Variants in MCPH1 observed in about 807,000 individuals in gnomAD.
MCPH1 encodes microcephalin 1.
Under a neutral mutation model 84.5 loss-of-function variants are expected in MCPH1, and 104 were observed. The observed-to-expected ratio is 1.23, with a 90% confidence interval of 1.05 to 1.45. The LOEUF is 1.45. MCPH1 is among the 40% of genes most tolerant of loss of function. The probability of loss-of-function intolerance (pLI) is 0.00; values close to 1 mark genes in which losing one functional copy is unlikely to be tolerated. For missense variants in MCPH1, 1,498 were observed against 1,005.7 expected, an observed-to-expected ratio of 1.49 and a Z score of -6.62; for synonymous variants, 514 against 366.8, an observed-to-expected ratio of 1.40 and a Z score of -4.58.
chr8:6,605,638 A>C (rs1241269896), intron 12 of MCPH1, among the ~76,000 whole-genome samples: 1 of 152,222 alleles, frequency 6.6e-6, no homozygotes, highest in Non-Finnish European at 1.5e-5. Context: ...GGCCTTCCCC[A>C]GAAGGATGCC....
intron 12 of MCPH1, among the ~76,000 whole-genome samples, chr8:6,511,151 T>G (rs1815003177): frequency 6.6e-6 from 1 of 152,212 alleles, no homozygotes; most frequent in Non-Finnish European, 1.5e-5. Flanking sequence ...GAGAATACTA[T>G]TTTTTATGAG....
chr8:6,629,868 A>G (rs1797025417), intron 13 of MCPH1, among the ~76,000 whole-genome samples: 1 of 152,204 alleles, frequency 6.6e-6, no homozygotes, highest in Non-Finnish European at 1.5e-5. Flanking sequence ...TCAGTTTAGA[A>G]TCTTCCTTGG....
At chr8:6,482,853 T>A (rs1809409936) in intron 11 of MCPH1, among the ~76,000 whole-genome samples, 1 of 152,210 alleles carries the variant, frequency 6.6e-6, no homozygotes, top group South Asian at 2.1e-4. Context: ...TCACCTTTAG[T>A]CTAGACTCCT....
intron 2 of MCPH1, among the ~76,000 whole-genome samples, chr8:6,412,682 A>C (rs1391066718): frequency 2.0e-5 from 3 of 152,122 alleles, no homozygotes; most frequent in Non-Finnish European, 4.4e-5. Flanking sequence ...GTGTGTACTA[A>C]ATTTGATAAA....
At chr8:6,498,173 T>C (rs1811491793) in intron 11 of MCPH1, among the ~76,000 whole-genome samples, 2 of 152,270 alleles carry the variant, frequency 1.3e-5, no homozygotes, top group Non-Finnish European at 2.9e-5. Flanking sequence ...ATGTGTCACC[T>C]ACAAGATGCT....
intron 12 of MCPH1, among the ~76,000 whole-genome samples, chr8:6,554,899 G>C (rs2515500): frequency 0.98 from 149,684 of 152,266 alleles, 73,623 homozygotes; most frequent in East Asian, 1. Context: ...CTTTTGTCAA[G>C]TGGTGCAAGG....
intron 3 of MCPH1, among the ~76,000 whole-genome samples, chr8:6,425,298 G>A (rs1156726288): frequency 6.6e-6 from 1 of 152,148 alleles, no homozygotes; most frequent in East Asian, 1.9e-4. Context: ...ACCACTAGAT[G>A]GTGGGATAAT....
At chr8:6,576,519 C>CTTCCCCTTCCCT (rs59590908) in intron 12 of MCPH1, among the ~76,000 whole-genome samples, 5 of 150,466 alleles carry the variant, frequency 3.3e-5, no homozygotes, top group Admixed American at 1.3e-4. Flanking sequence ...TCCCCTTCCC[C>CTTCCCCTTCCCT]GTCCCTTTAG....
At chr8:6,603,457 T>A (rs1829526652) in intron 12 of MCPH1, among the ~76,000 whole-genome samples, 1 of 152,226 alleles carries the variant, frequency 6.6e-6, no homozygotes, top group African/African-American at 2.4e-5. Flanking sequence ...TCAGTAAAGT[T>A]GATTTTAAAA....
chr8:6,480,892 G>A lies in MCPH1; in HGVS notation c.2136+16G>A, dbSNP rs1437857424. On this transcript the variant is annotated intron_variant, in intron 11 of 13. Transcript: ENST00000344683. ...TTATGATTGGGTAAGCCCTGTGTGT[G>A]AACTGCGTATTTTAAAACAAGGCAT... 3 of 1,613,200 alleles carry A rather than the reference G, an allele frequency of 1.9e-6. No individual in the cohort carries two copies. The East Asian group carries it at 6.7e-5, about 36-fold the overall frequency.
intron 8 of MCPH1, chr8:6,445,838 G>T: frequency 8.9e-7 from 1 of 1,124,092 alleles, no homozygotes. Flanking sequence ...ATAACTGAGG[G>T]GAGTGAAGTC....
chr8:6,644,832 G>A lies in MCPH1; in HGVS notation c.*1783G>A, dbSNP rs1386125584. 1 of 152,176 alleles carries A rather than the reference G, an allele frequency of 6.6e-6. No homozygotes were observed. Among genetic ancestry groups the A allele is most frequent in the African/African-American group, 2.4e-5 (1 of 41,434 alleles). The allele number at this position is 152,176 out of a possible 1,614,324, so 9.4% of individuals were successfully genotyped here. A position where few individuals can be genotyped will look rare whatever the true frequency, so the allele number is the denominator to read the frequency against. Reference sequence around the variant, plus strand: ...CACTTCTAGAATGAACCTTTGAGAAGGGAGGTAGCAGTGCATTGTATAGGA... The same window carrying A: ...CACTTCTAGAATGAACCTTTGAGAAAGGAGGTAGCAGTGCATTGTATAGGA... On this transcript the variant is annotated 3_prime_UTR_variant, in exon 14 of 14. Transcript: ENST00000344683.
intron 12 of MCPH1, among the ~76,000 whole-genome samples, chr8:6,531,684 G>T (rs1046960161): frequency 7.9e-5 from 12 of 152,180 alleles, no homozygotes; most frequent in Non-Finnish European, 1.3e-4. Context: ...TCACTTGTCT[G>T]GCCCAACCCT....
intron 12 of MCPH1, among the ~76,000 whole-genome samples, chr8:6,601,969 T>C (rs1440130157): frequency 6.6e-6 from 1 of 152,246 alleles, no homozygotes; most frequent in Non-Finnish European, 1.5e-5. Flanking sequence ...CCATAGTAAT[T>C]AATTCTTTAA....
intron 12 of MCPH1, among the ~76,000 whole-genome samples, chr8:6,519,194 A>C (rs1287416195): frequency 6.6e-6 from 1 of 152,212 alleles, no homozygotes; most frequent in East Asian, 1.9e-4. Context: ...AGCGGTTCTC[A>C]TGGTGTGGAC....
At chr8:6,512,729 C>T (rs561061055) in intron 12 of MCPH1, among the ~76,000 whole-genome samples, 2 of 152,342 alleles carry the variant, frequency 1.3e-5, no homozygotes, top group African/African-American at 4.8e-5. Flanking sequence ...TCTCTACTCT[C>T]ATGGCATTTT....
chr8:6,550,924 A>C (rs1823537539), intron 12 of MCPH1, among the ~76,000 whole-genome samples: 1 of 152,214 alleles, frequency 6.6e-6, no homozygotes, highest in African/African-American at 2.4e-5. Flanking sequence ...AAGGAGCCCA[A>C]GGGGAAGGAG....
chr8:6,593,253 T>A (rs769623007), intron 12 of MCPH1, among the ~76,000 whole-genome samples: 1 of 150,702 alleles, frequency 6.6e-6, no homozygotes, highest in Non-Finnish European at 1.5e-5. Context: ...CCGGCTAATT[T>A]TGTCTTTTTA....
intron 8 of MCPH1, among the ~76,000 whole-genome samples, chr8:6,452,989 A>G (rs1307086461): frequency 6.6e-6 from 1 of 152,250 alleles, no homozygotes; most frequent in African/African-American, 2.4e-5. Flanking sequence ...TGGGAGGTCT[A>G]GACAAGGTAC....
Sources: gnomAD v4.1 joint callset for allele counts (sites outside exome capture counted in the v4.1 genomes callset) on GRCh38, gnomAD v4.1.1 for gene constraint, MANE v1.5 for transcripts, NCBI Gene and HGNC (gene_info 2026-07-23, HGNC 2026-07-21) for gene names.